Variants in PCDH7 observed in about 807,000 individuals in gnomAD.
The protein encoded by PCDH7 is protocadherin 7, also known as protocadherin-7.
A neutral mutation model predicts 58.9 loss-of-function variants in PCDH7; 17 were observed. The observed-to-expected ratio is 0.29, with a 90% CI of 0.20 to 0.43. The LOEUF (loss-of-function observed/expected upper bound fraction) is 0.43. PCDH7 is among the 20% of genes least tolerant of loss of function. The pLI, the probability that PCDH7 is intolerant of heterozygous loss-of-function variation, is 1.00. For synonymous variants in PCDH7, 664 were observed against 616.4 expected (o/e 1.08, Z -1.14); for missense variants, 1,274 against 1,441.0 (o/e 0.88, Z 1.88).
At chr4:30,891,030 G>C (rs917905163) in intron 1 of PCDH7, among the ~76,000 whole-genome samples, 1 of 151,960 alleles carries the variant, frequency 6.6e-6, no homozygotes, top group Non-Finnish European at 1.5e-5. Flanking sequence ...AAACTCTCAT[G>C]ATGATACCAG....
At chr4:31,051,837 G>C (rs201759503) in intron 3 of PCDH7, among the ~76,000 whole-genome samples, 1 of 149,586 alleles carries the variant, frequency 6.7e-6, no homozygotes, top group Admixed American at 6.6e-5. Context: ...TGTGTGTGGG[G>C]GGCGGGTAGG....
intron 3 of PCDH7, among the ~76,000 whole-genome samples, chr4:31,000,470 A>G (rs972596999): frequency 5.9e-5 from 9 of 152,152 alleles, no homozygotes; most frequent in African/African-American, 2.2e-4. Flanking sequence ...CAAAATAGGC[A>G]GTTTAAAAGA....
intron 1 of PCDH7, among the ~76,000 whole-genome samples, chr4:30,916,997 A>C (rs1742558329): frequency 6.6e-6 from 1 of 152,216 alleles, no homozygotes; most frequent in South Asian, 2.1e-4. Context: ...TCTACTTCAG[A>C]GTATCAGTAA....
At chr4:31,143,459 AAG>A (rs1275510783), downstream of PCDH7, 1 of 152,252 alleles carries the variant, frequency 6.6e-6, no homozygotes, top group African/African-American at 2.4e-5. Context: ...AACAAAGACT[AAG>A]AGAAAAACAA....
chr4:30,787,578 G>A (rs1723577808), intron 1 of PCDH7, among the ~76,000 whole-genome samples: 2 of 152,002 alleles, frequency 1.3e-5, no homozygotes, highest in African/African-American at 4.8e-5. Context: ...GGAATGTATG[G>A]CCATTATATC....
chr4:30,884,783 G>A (rs1002151756), intron 1 of PCDH7: 2 of 152,140 alleles, frequency 1.3e-5, no homozygotes, highest in African/African-American at 2.4e-5. Flanking sequence ...AATGTGGGGT[G>A]GGGTATTGAG....
intron 3 of PCDH7, among the ~76,000 whole-genome samples, chr4:30,983,654 C>T (rs1370248825): frequency 6.6e-6 from 1 of 152,130 alleles, no homozygotes; most frequent in Non-Finnish European, 1.5e-5. Context: ...GTTTCTAAAA[C>T]TATGTGGCTT....
At chr4:31,037,877 T>C (rs112258029) in intron 3 of PCDH7, among the ~76,000 whole-genome samples, 20 of 152,332 alleles carry the variant, frequency 1.3e-4, no homozygotes, top group African/African-American at 4.1e-4. Flanking sequence ...AGGCAGCAGT[T>C]CAAGTAGACA....
intron 3 of PCDH7, among the ~76,000 whole-genome samples, chr4:31,114,642 CA>C (rs1716770010): frequency 6.7e-6 from 1 of 150,164 alleles, no homozygotes; most frequent in African/African-American, 2.4e-5. Flanking sequence ...AACACACACA[CA>C]CACACACACA....
chr4:31,001,061 A>G (rs1752327749), intron 3 of PCDH7, among the ~76,000 whole-genome samples: 1 of 152,076 alleles, frequency 6.6e-6, no homozygotes, highest in Non-Finnish European at 1.5e-5. Context: ...TATGTCTAAT[A>G]TGTATTTAAA....
At chr4:31,049,713 C>G (rs1756586784) in intron 3 of PCDH7, among the ~76,000 whole-genome samples, 1 of 152,120 alleles carries the variant, frequency 6.6e-6, no homozygotes, top group East Asian at 1.9e-4. Context: ...ATCTCTTGAT[C>G]TCTCTTTCCA....
chr4:30,876,950 C>T (rs1013475719), intron 1 of PCDH7, among the ~76,000 whole-genome samples: 5 of 152,000 alleles, frequency 3.3e-5, no homozygotes, highest in Admixed American at 6.6e-5. Context: ...GTTCCCCTCC[C>T]TGTGTCCATG....
chr4:31,087,014 A>G (rs1712527728), intron 3 of PCDH7, among the ~76,000 whole-genome samples: 1 of 152,208 alleles, frequency 6.6e-6, no homozygotes, highest in South Asian at 2.1e-4. Flanking sequence ...CTTTCTGGAA[A>G]CAAAATCACA....
chr4:30,724,313 A>T, exon 1 of PCDH7: 1 of 1,614,124 alleles, frequency 6.2e-7, no homozygotes, highest in Non-Finnish European at 8.5e-7. Context: ...GGACAGAGGT[A>T]TGATAGTGTC....
chr4:31,015,115 C>T (rs1753501709), intron 3 of PCDH7, among the ~76,000 whole-genome samples: 1 of 152,154 alleles, frequency 6.6e-6, no homozygotes, highest in Admixed American at 6.5e-5. Context: ...GAATATATGT[C>T]AATGGCTGAC....
intron 1 of PCDH7, among the ~76,000 whole-genome samples, chr4:30,752,700 T>G (rs958393925): frequency 5.6e-5 from 8 of 143,908 alleles, no homozygotes; most frequent in African/African-American, 2.1e-4. Flanking sequence ...TCTCAGTGAT[T>G]AATGGTGACT....
At chr4:30,829,571 C>T (rs563070716) in intron 1 of PCDH7, among the ~76,000 whole-genome samples, 6 of 151,970 alleles carry the variant, frequency 3.9e-5, no homozygotes, top group Non-Finnish European at 8.8e-5. Context: ...ACAGCCTGAA[C>T]CCACAGATGC....
chr4:31,041,473 A>G (rs1244416797), intron 3 of PCDH7, among the ~76,000 whole-genome samples: 3 of 152,130 alleles, frequency 2.0e-5, no homozygotes, highest in Non-Finnish European at 2.9e-5. Flanking sequence ...GCAATTTTCA[A>G]CTTCACAAGT....
At chr4:31,104,819 C>T (rs576333656) in intron 3 of PCDH7, among the ~76,000 whole-genome samples, 2 of 152,194 alleles carry the variant, frequency 1.3e-5, no homozygotes, top group East Asian at 1.9e-4. Flanking sequence ...GAAGTATGAG[C>T]GTATTGATCA....
Sources: gnomAD v4.1 joint callset for allele counts (sites outside exome capture counted in the v4.1 genomes callset) on GRCh38, gnomAD v4.1.1 for gene constraint, MANE v1.5 for transcripts, NCBI Gene and HGNC (gene_info 2026-07-23, HGNC 2026-07-21) for gene names.